The following LRP1B variants were observed in gnomAD, a reference collection of about 807,000 sequenced individuals.
LRP1B encodes LDL receptor related protein 1B.
Under a neutral mutation model 556.6 loss-of-function variants are expected in LRP1B, and 217 were observed. That is an observed-to-expected ratio of 0.39 (90% CI 0.35 to 0.44). The LOEUF is 0.44. Among genes scored for constraint, LRP1B ranks in the 20% least tolerant of loss-of-function variants. The pLI, the probability that LRP1B is intolerant of heterozygous loss-of-function variation, is 1.00. For synonymous variants in LRP1B, 2,047 were observed against 1,865.8 expected (o/e 1.10, Z -2.50); for missense variants, 5,053 against 5,620.8 (o/e 0.90, Z 3.23).
intron 7 of LRP1B, among the ~76,000 whole-genome samples, chr2:141,100,304 CTTTT>C (rs1700427901): frequency 6.6e-6 from 1 of 152,156 alleles, no homozygotes; most frequent in Non-Finnish European, 1.5e-5. Context: ...TTGAATGGAG[CTTTT>C]CTTTGACCTT....
intron 70 of LRP1B, 75 bp downstream of exon 70, chr2:140,371,104 T>A (rs1682974400): frequency 3.9e-6 from 4 of 1,016,530 alleles, no homozygotes; most frequent in Non-Finnish European, 5.7e-6. Context: ...ATTCTTTCTC[T>A]TTATTTTCAT....
chr2:140,680,205 G>C (rs1431029911), intron 41 of LRP1B, among the ~76,000 whole-genome samples: 1 of 152,078 alleles, frequency 6.6e-6, no homozygotes, highest in Non-Finnish European at 1.5e-5. Flanking sequence ...GAGATTAAAT[G>C]AAACACTCCT....
At chr2:140,237,263 A>AT (rs1680750798) in intron 89 of LRP1B, among the ~76,000 whole-genome samples, 1 of 150,930 alleles carries the variant, frequency 6.6e-6, no homozygotes, top group African/African-American at 2.4e-5. Flanking sequence ...ATCATGTGGT[A>AT]TTTGTCATTC....
At chr2:141,912,815 T>C (rs1283787759) in intron 1 of LRP1B, among the ~76,000 whole-genome samples, 1 of 152,178 alleles carries the variant, frequency 6.6e-6, no homozygotes, top group Non-Finnish European at 1.5e-5. Context: ...CTAACCCTTA[T>C]CTTTCTGGCC....
chr2:141,890,460 T>G (rs1242964487), intron 1 of LRP1B, among the ~76,000 whole-genome samples: 1 of 150,272 alleles, frequency 6.7e-6, no homozygotes, highest in Non-Finnish European at 1.5e-5. Flanking sequence ...AACAAAAAAA[T>G]GTCCTATTGA....
At chr2:141,717,352 CT>C (rs1347253905) in intron 2 of LRP1B, among the ~76,000 whole-genome samples, 2 of 152,180 alleles carry the variant, frequency 1.3e-5, no homozygotes, top group Non-Finnish European at 2.9e-5. Flanking sequence ...AATAACTGCT[CT>C]TTATACTTGA....
At chr2:140,262,905 G>A (rs1682013736) in intron 86 of LRP1B, among the ~76,000 whole-genome samples, 1 of 152,070 alleles carries the variant, frequency 6.6e-6, no homozygotes, top group Admixed American at 6.6e-5. Flanking sequence ...ATGGAAATGT[G>A]CGAAAACCGA....
chr2:141,535,363 T>C (rs1244408852), intron 2 of LRP1B, among the ~76,000 whole-genome samples: 1 of 152,076 alleles, frequency 6.6e-6, no homozygotes, highest in East Asian at 1.9e-4. Context: ...AGTATGGTAT[T>C]AGTTCATGGC....
At chr2:141,878,907 A>G (rs1313126362) in intron 1 of LRP1B, among the ~76,000 whole-genome samples, 1 of 151,914 alleles carries the variant, frequency 6.6e-6, no homozygotes, top group East Asian at 1.9e-4. Flanking sequence ...CTAAGGTGTC[A>G]TTAATAACAA....
chr2:142,039,219 T>C (rs1703986276), intron 1 of LRP1B, among the ~76,000 whole-genome samples: 1 of 151,564 alleles, frequency 6.6e-6, no homozygotes, highest in Admixed American at 6.6e-5. Flanking sequence ...TTTTTCATGA[T>C]AAATTGCCTT....
At chr2:140,417,763 T>C (rs1028664280) in intron 66 of LRP1B, among the ~76,000 whole-genome samples, 2 of 152,196 alleles carry the variant, frequency 1.3e-5, no homozygotes, top group Admixed American at 1.3e-4. Flanking sequence ...TAGAGAAATG[T>C]TGGCTAGCCA....
At chr2:141,465,584 C>G (rs1049684983) in intron 3 of LRP1B, among the ~76,000 whole-genome samples, 2 of 146,610 alleles carry the variant, frequency 1.4e-5, no homozygotes, top group African/African-American at 5.0e-5. Flanking sequence ...AAGTCTGGCT[C>G]TATCGCCCAG....
intron 3 of LRP1B, among the ~76,000 whole-genome samples, chr2:141,396,578 T>C (rs572557669): frequency 6.6e-6 from 1 of 152,332 alleles, no homozygotes; most frequent in East Asian, 1.9e-4. Flanking sequence ...ACCTTTGCTA[T>C]GCCCTGACGT....
At chr2:140,613,643 ACT>A (rs1440677175) in intron 41 of LRP1B, among the ~76,000 whole-genome samples, 2 of 151,130 alleles carry the variant, frequency 1.3e-5, no homozygotes, top group Non-Finnish European at 2.9e-5. Context: ...AAAATTAAAG[ACT>A]CTCAGACAAA....
At chr2:141,237,015 G>A (rs1191015173) in intron 5 of LRP1B, among the ~76,000 whole-genome samples, 2 of 152,126 alleles carry the variant, frequency 1.3e-5, no homozygotes, top group African/African-American at 4.8e-5. Context: ...TCAGATATCT[G>A]AATTACTGAA....
intron 1 of LRP1B, among the ~76,000 whole-genome samples, chr2:142,063,279 T>C (rs1410171213): frequency 1.3e-5 from 2 of 151,550 alleles, no homozygotes; most frequent in East Asian, 3.9e-4. Context: ...GTGTTCCTCA[T>C]CTTAATTGTT....
intron 11 of LRP1B, among the ~76,000 whole-genome samples, chr2:141,046,486 G>T (rs927435182): frequency 6.6e-6 from 1 of 152,054 alleles, no homozygotes; most frequent in Non-Finnish European, 1.5e-5. Flanking sequence ...ACTAATAAAA[G>T]ATATTAAGCT....
At chr2:141,154,979 A>G (rs1702029277) in intron 7 of LRP1B, among the ~76,000 whole-genome samples, 1 of 151,982 alleles carries the variant, frequency 6.6e-6, no homozygotes, top group African/African-American at 2.4e-5. Flanking sequence ...TCCTATTATA[A>G]TAAATGTTCT....
chr2:142,125,527 T>C (rs1045229744), intron 1 of LRP1B, among the ~76,000 whole-genome samples: 21 of 151,892 alleles, frequency 1.4e-4, no homozygotes, highest in Non-Finnish European at 3.1e-4. Context: ...AAATTATTTT[T>C]AGAGATATTT....
Sources: gnomAD v4.1 joint callset for allele counts (sites outside exome capture counted in the v4.1 genomes callset) on GRCh38, gnomAD v4.1.1 for gene constraint, MANE v1.5 for transcripts, NCBI Gene and HGNC (gene_info 2026-07-23, HGNC 2026-07-21) for gene names.